Variants in SUPT3H observed in about 807,000 individuals in gnomAD.
SUPT3H encodes transcription initiation protein SPT3 homolog.
Under a neutral mutation model 44.3 loss-of-function variants are expected in SUPT3H, and 44 were observed. The ratio of observed to expected loss-of-function variants is 0.99; its 90% CI spans 0.78 to 1.28. The LOEUF (loss-of-function observed/expected upper bound fraction) is 1.28. Ranked by LOEUF, SUPT3H falls within the 50% of genes most tolerant of loss-of-function variation. SUPT3H has a pLI of 0.00. For synonymous variants in SUPT3H, 124 were observed against 125.6 expected (o/e 0.99, Z 0.09); for missense variants, 380 against 387.1 (o/e 0.98, Z 0.15).
intron 1 of SUPT3H, chr6:45,371,777 A>G (rs1245218000): frequency 7.4e-6 from 7 of 950,222 alleles, no homozygotes; most frequent in Admixed American, 6.2e-5. Flanking sequence ...ATAAGCAACT[A>G]TAACAGACAA....
At chr6:45,304,916 G>T (rs775991168) in intron 2 of SUPT3H, among the ~76,000 whole-genome samples, 3 of 152,100 alleles carry the variant, frequency 2.0e-5, no homozygotes, top group Non-Finnish European at 4.4e-5. Flanking sequence ...AGCCTGAAAC[G>T]TTTATTTTTA....
chr6:44,972,369 G>A (rs749601503), intron 6 of SUPT3H, among the ~76,000 whole-genome samples: 36 of 152,260 alleles, frequency 2.4e-4, no homozygotes, highest in African/African-American at 7.2e-4. Flanking sequence ...TATCCAGGTC[G>A]CACGGATTCA....
intron 10 of SUPT3H, among the ~76,000 whole-genome samples, chr6:44,913,503 C>G (rs1180984246): frequency 2.0e-5 from 3 of 152,184 alleles, no homozygotes; most frequent in African/African-American, 7.2e-5. Context: ...TAGACAACTA[C>G]AGTCTGCATG....
intron 2 of SUPT3H, among the ~76,000 whole-genome samples, chr6:45,357,135 T>C (rs998527337): frequency 6.6e-6 from 1 of 151,848 alleles, no homozygotes; most frequent in African/African-American, 2.4e-5. Context: ...GCCTCCAGAG[T>C]AGCTGGGACT....
intron 2 of SUPT3H, among the ~76,000 whole-genome samples, chr6:45,295,748 T>C (rs1016521189): frequency 1.2e-4 from 18 of 151,722 alleles, no homozygotes; most frequent in African/African-American, 3.6e-4. Context: ...AACAAACATA[T>C]GAAAAAATGC....
intron 6 of SUPT3H, among the ~76,000 whole-genome samples, chr6:44,980,208 G>A (rs950424926): frequency 6.8e-6 from 1 of 147,764 alleles, no homozygotes; most frequent in Non-Finnish European, 1.5e-5. Context: ...GCATAAAATA[G>A]ACAAATGCAG....
At chr6:45,154,368 G>C (rs1807464655) in intron 2 of SUPT3H, among the ~76,000 whole-genome samples, 1 of 151,998 alleles carries the variant, frequency 6.6e-6, no homozygotes, top group Non-Finnish European at 1.5e-5. Context: ...TCCAAGAATG[G>C]CATCAAGGCT....
At chr6:44,893,103 A>G (rs1204536317) in intron 10 of SUPT3H, among the ~76,000 whole-genome samples, 1 of 152,154 alleles carries the variant, frequency 6.6e-6, no homozygotes, top group Non-Finnish European at 1.5e-5. Flanking sequence ...TCAATTATTC[A>G]TTTACAGCAG....
chr6:45,287,531 T>C (rs913561647), intron 2 of SUPT3H, among the ~76,000 whole-genome samples: 3 of 152,186 alleles, frequency 2.0e-5, no homozygotes, highest in East Asian at 1.9e-4. Flanking sequence ...ATTCTACTTA[T>C]AGGAGTGACC....
At chr6:45,128,032 C>T (rs952708943) in intron 2 of SUPT3H, among the ~76,000 whole-genome samples, 4 of 152,066 alleles carry the variant, frequency 2.6e-5, no homozygotes, top group African/African-American at 4.8e-5. Context: ...TATCATTATA[C>T]CCCTCTTTAT....
chr6:45,101,252 C>G lies in SUPT3H; in HGVS notation c.186+4670G>C, dbSNP rs545859285. ...ACCAGCCTGACCAACATGGAGAAAT[C>G]CCATCTTTACTAAAAATACAAAATT... On this transcript the variant is annotated intron_variant, in intron 3 of 10. Coordinates refer to ENST00000371459, the MANE Select transcript of SUPT3H (RefSeq NM_003599.4). Among the ~76,000 whole-genome samples, 4 of 152,272 alleles carry G rather than the reference C, an allele frequency of 2.6e-5. No homozygotes were observed. The East Asian group carries it at 7.7e-4, about 29-fold the overall frequency.
intron 2 of SUPT3H, among the ~76,000 whole-genome samples, chr6:45,116,722 TTGAGA>T (rs1464889773): frequency 6.6e-6 from 1 of 152,188 alleles, no homozygotes; most frequent in Non-Finnish European, 1.5e-5. Flanking sequence ...AACAGCTTTA[TTGAGA>T]TATCATTTAC....
At position 45,362,645 on chromosome 6, in the gene SUPT3H, A is replaced by G. The variant is rs919668300; in HGVS notation, c.101+2556T>C. ...TCCTAAGGGCAAAAAAAATAACTTC[A>G]GACTATAAATGATGAATGTAACTAT... On this transcript the variant is annotated intron_variant, in intron 2 of 10. Transcript: ENST00000371459. 3.0e-4 allele frequency among the ~76,000 whole-genome samples: 45 copies of G among 152,202 alleles called. 1 individual carries two copies. Among genetic ancestry groups the G allele is most frequent in the Admixed American group, 2.9e-3 (44 of 15,280 alleles).
intron 10 of SUPT3H, among the ~76,000 whole-genome samples, chr6:44,880,184 A>T (rs1037591482): frequency 6.6e-6 from 1 of 152,104 alleles, no homozygotes; most frequent in Non-Finnish European, 1.5e-5. Flanking sequence ...CCCTGAAAAA[A>T]GGTTAGAGGA....
intron 10 of SUPT3H, among the ~76,000 whole-genome samples, chr6:44,914,892 A>G (rs1224078494): frequency 6.6e-6 from 1 of 152,162 alleles, no homozygotes; most frequent in Non-Finnish European, 1.5e-5. Flanking sequence ...AATACGATGT[A>G]TCTTGGAGCA....
intron 7 of SUPT3H, among the ~76,000 whole-genome samples, chr6:44,958,894 G>A (rs1453412609): frequency 5.0e-5 from 1 of 19,810 alleles, no homozygotes; most frequent in Non-Finnish European, 1.0e-4. Context: ...TTTTTTTTTT[G>A]AGACGAGTCT....
chr6:45,252,217 G>A (rs1772502476), intron 2 of SUPT3H, among the ~76,000 whole-genome samples: 1 of 152,152 alleles, frequency 6.6e-6, no homozygotes, highest in Admixed American at 6.6e-5. Flanking sequence ...AAAGAGAACT[G>A]TGCTGAAAAT....
At chr6:44,963,886 C>G (rs2153478958) in intron 6 of SUPT3H, among the ~76,000 whole-genome samples, 1 of 151,516 alleles carries the variant, frequency 6.6e-6, no homozygotes, top group East Asian at 2.0e-4. Flanking sequence ...GTAGTCCCAG[C>G]TACTCGGAGG....
At chr6:45,283,072 G>C (rs1778473451) in intron 2 of SUPT3H, among the ~76,000 whole-genome samples, 1 of 152,098 alleles carries the variant, frequency 6.6e-6, no homozygotes, top group Non-Finnish European at 1.5e-5. Flanking sequence ...CCCTAAAAGA[G>C]CTCCTGAAGG....
Sources: gnomAD v4.1 joint callset for allele counts (sites outside exome capture counted in the v4.1 genomes callset) on GRCh38, gnomAD v4.1.1 for gene constraint, MANE v1.5 for transcripts, NCBI Gene and HGNC (gene_info 2026-07-23, HGNC 2026-07-21) for gene names.